The following LMNA variants were observed in gnomAD, a reference collection of about 807,000 sequenced individuals.
The protein encoded by LMNA is lamin A/C, also known as lamin.
LMNA carries 20 observed loss-of-function variants against 70.4 expected under a neutral mutation model. The ratio of observed to expected loss-of-function variants is 0.28; its 90% CI spans 0.20 to 0.41. The LOEUF (loss-of-function observed/expected upper bound fraction) is 0.41, where lower values mean the gene tolerates loss of function less well. Ranked by LOEUF, LMNA falls within the 10% of genes least tolerant of loss-of-function variation. LMNA has a pLI of 1.00. For synonymous variants in LMNA, 339 were observed against 372.8 expected (o/e 0.91, Z 1.04); for missense variants, 652 against 917.2 (o/e 0.71, Z 3.73).
chr1:156,128,071 C>G (rs1225976826), intron 1 of LMNA, among the ~76,000 whole-genome samples: 1 of 152,084 alleles, frequency 6.6e-6, no homozygotes, highest in Non-Finnish European at 1.5e-5. Flanking sequence ...TATCTACTTG[C>G]TGCGGGACCC....
chr1:156,088,662 T>G (rs1241917622), intron 2 of LMNA, among the ~76,000 whole-genome samples: 1 of 152,218 alleles, frequency 6.6e-6, no homozygotes, highest in Non-Finnish European at 1.5e-5. Context: ...ATTTTATATA[T>G]TTTTTGAGAC....
At chr1:156,129,959 C>G (rs1650902184) in intron 1 of LMNA, 1 of 728,374 alleles carries the variant, frequency 1.4e-6, no homozygotes, top group African/African-American at 1.7e-5. Context: ...GGGAGGGAGG[C>G]AGGGACCCCT....
In LMNA at chr1:156,135,894, C is replaced by A. The variant is rs267607681; in HGVS notation, c.937-7C>A. On this transcript the variant is annotated splice_polypyrimidine_tract_variant and splice_region_variant and intron_variant, in intron 5 of 11. Transcript: ENST00000368300. This position sits in a 1 kb window ranked among gnomAD's most constrained non-coding sequence, Gnocchi z 4.8. Reference sequence around the variant, plus strand: ...GGAGCTCACCAAACCCTCCCACCCCCCTTCAGCTGGCAGCCAAGGAGGCGA... The same window carrying A: ...GGAGCTCACCAAACCCTCCCACCCCACTTCAGCTGGCAGCCAAGGAGGCGA... 1 of 1,613,078 alleles carries A rather than the reference C, an allele frequency of 6.2e-7. No homozygotes were observed. Among genetic ancestry groups the A allele is most frequent in the Admixed American group, 1.7e-5 (1 of 60,012 alleles).
chr1:156,127,513 T>G (rs945585008), intron 1 of LMNA, among the ~76,000 whole-genome samples: 1 of 104,558 alleles, frequency 9.6e-6, no homozygotes, highest in Non-Finnish European at 1.9e-5. Context: ...CTTACTGTTT[T>G]TTTTTTTTTT....
In LMNA at chr1:156,137,975, A is replaced by G. The variant is rs927335027; in HGVS notation, c.1698+232A>G. The G allele has an allele frequency of 2.4e-5, 20 of 818,196 alleles. No individual in the cohort carries two copies. Among genetic ancestry groups the G allele is most frequent in the South Asian group, 1.6e-4 (9 of 55,406 alleles). The allele number at this position is 818,196 out of a possible 1,614,324, so 50.7% of individuals were successfully genotyped here. A position where few individuals can be genotyped will look rare whatever the true frequency, so the allele number is the denominator to read the frequency against. On this transcript the variant is annotated intron_variant, in intron 10 of 11. Transcript: ENST00000368300. The surrounding 1 kb of genome is among the most constrained non-coding windows in gnomAD (Gnocchi z 4.6). ...AAGGGAGTGGGAACTTTCTGATGCC[A>G]TGGAATATTCCTGTGGGAGCAGTGG...
In LMNA at chr1:156,139,721, TC is replaced by T. The variant is rs1651953339; in HGVS notation, c.*617del. On this transcript the variant is annotated 3_prime_UTR_variant, in exon 12 of 12. Transcript: ENST00000368300. The stretch of plus-strand genomic sequence containing the variant: ...CCCCTGCCCCCAGCCCCGGGGTGAG[TC>T]CATTCTCCCAGGTACCAGCTGCGCT... The T allele has an allele frequency of 6.6e-7, 1 of 1,521,012 alleles. No individual in the cohort carries two copies. The highest frequency in any genetic ancestry group is 1.4e-5 in the African/African-American group (1 of 70,798). 94.2% of individuals were successfully genotyped at this position (1,521,012 alleles called of 1,614,324 possible). A position where few individuals can be genotyped will look rare whatever the true frequency, so the allele number is the denominator to read the frequency against.
intron 1 of LMNA, chr1:156,126,874 C>T: frequency 5.6e-6 from 9 of 1,611,654 alleles, no homozygotes; most frequent in Non-Finnish European, 7.6e-6. Flanking sequence ...TGGCACAGCA[C>T]CCGGCCTGGG....
At chr1:156,092,823 C>T (rs1380142191) in intron 3 of LMNA, among the ~76,000 whole-genome samples, 1 of 151,976 alleles carries the variant, frequency 6.6e-6, no homozygotes, top group Non-Finnish European at 1.5e-5. Flanking sequence ...TCCAGCCCAT[C>T]CTGCTCCTCC....
chr1:156,084,492 A>G (rs1648409758), intron 2 of LMNA, among the ~76,000 whole-genome samples: 1 of 151,990 alleles, frequency 6.6e-6, no homozygotes, highest in East Asian at 1.9e-4. Flanking sequence ...AGTAAACCTT[A>G]TTGTGGGATT....
rs1649203752 is a variant in LMNA at position 156,103,316 on chromosome 1, A to T, written c.-206-11397A>T. Among the ~76,000 whole-genome samples, 1 of 152,154 alleles carries T rather than the reference A, an allele frequency of 6.6e-6. No homozygotes were observed. The highest frequency in any genetic ancestry group is 6.5e-5 in the Admixed American group (1 of 15,292). On this transcript the variant is annotated intron_variant, in intron 3 of 12. Coordinates refer to the LMNA transcript ENST00000368301. The surrounding 1 kb of genome is among the most constrained non-coding windows in gnomAD (Gnocchi z 4.7). ...GGTGAGAAGCCAGCGATCGACCCCC[A>T]GGGAGAAGTCTTGCAGAGGAGGGTC... is the stretch of plus-strand genomic sequence containing the variant.
chr1:156,119,461 C>T (rs776800566), intron 1 of LMNA, among the ~76,000 whole-genome samples: 1 of 152,152 alleles, frequency 6.6e-6, no homozygotes, highest in African/African-American at 2.4e-5. Flanking sequence ...ACCGTGTTGC[C>T]CAAGCTGGTC....
chr1:156,112,239 G>A (rs955383), upstream of LMNA, among the ~76,000 whole-genome samples: 111,073 of 151,966 alleles, frequency 0.73, 40,993 homozygotes, highest in East Asian at 0.93. Flanking sequence ...ACATAGCAAG[G>A]CTCCGTCTCT....
rs372962650 is a variant in LMNA at position 156,135,175 on chromosome 1, C to T, written c.811-12C>T. The T allele has an allele frequency of 3.3e-5, 54 of 1,614,034 alleles. No individual in the cohort carries two copies. The African/African-American group carries it at 4.5e-4, about 14-fold the overall frequency. ...AGTCACCACAGTCCTAACCCTTTGT[C>T]CTCCCCTCCAGCTGGACAATGCCAG... On this transcript the variant is annotated splice_polypyrimidine_tract_variant and intron_variant, in intron 4 of 11. Coordinates refer to ENST00000368300, the MANE Select transcript of LMNA (RefSeq NM_170707.4). The surrounding 1 kb of genome is among the most constrained non-coding windows in gnomAD (Gnocchi z 4.8).
intron 2 of LMNA, among the ~76,000 whole-genome samples, chr1:156,085,422 G>A (rs984742907): frequency 2.0e-5 from 3 of 152,210 alleles, no homozygotes; most frequent in African/African-American, 7.2e-5. Context: ...TTATGGCAAT[G>A]AGAGCAGAAG....
chr1:156,137,968 T>C lies in LMNA; in HGVS notation c.1698+225T>C. On this transcript the variant is annotated intron_variant, in intron 10 of 11. Coordinates refer to ENST00000368300, the MANE Select transcript of LMNA (RefSeq NM_170707.4). The surrounding 1 kb of genome is among the most constrained non-coding windows in gnomAD (Gnocchi z 4.6). The stretch of plus-strand genomic sequence containing the variant: ...GGTAAGGAAGGGAGTGGGAACTTTC[T>C]GATGCCATGGAATATTCCTGTGGGA... 1 of 864,316 alleles carries C rather than the reference T, an allele frequency of 1.2e-6. No homozygotes were observed. The highest frequency in any genetic ancestry group is 2.8e-5 in the Admixed American group (1 of 35,690). 53.5% of individuals were successfully genotyped at this position (864,316 alleles called of 1,614,324 possible). A position where few individuals can be genotyped will look rare whatever the true frequency, so the allele number is the denominator to read the frequency against.
rs2485673 is a variant in LMNA, at chr1:156,125,965, C to T, written c.357-4652C>T. ...ACCTGGGCGACAGAATGAGACTCCA[C>T]CTCAAAATAATAATAATAGTAATAA... is the stretch of plus-strand genomic sequence containing the variant. On this transcript the variant is annotated intron_variant, in intron 1 of 11. Transcript: ENST00000368300. Among the ~76,000 whole-genome samples, 15,784 of 151,482 alleles carry T rather than the reference C, an allele frequency of 0.1. 1,508 individuals carry two copies. Among genetic ancestry groups the T allele is most frequent in the African/African-American group, 0.25 (10,370 of 40,996 alleles).
chr1:156,117,958 A>G (rs911429497), intron 1 of LMNA, among the ~76,000 whole-genome samples: 3 of 128,918 alleles, frequency 2.3e-5, no homozygotes, highest in Non-Finnish European at 4.9e-5. Context: ...AGGCACCACC[A>G]CGCTTGGCTA....
intron 3 of LMNA, among the ~76,000 whole-genome samples, chr1:156,099,402 G>A (rs1383766366): frequency 6.6e-6 from 1 of 152,084 alleles, no homozygotes; most frequent in Non-Finnish European, 1.5e-5. Context: ...TCTAGGGTTT[G>A]AATCCCAGCT....
At chr1:156,111,183 G>T (rs552746393), upstream of LMNA, among the ~76,000 whole-genome samples, 5 of 152,010 alleles carry the variant, frequency 3.3e-5, no homozygotes, top group East Asian at 1.9e-4. Context: ...TGGTGCAGTG[G>T]CTCATGCCTG....
Sources: allele counts gnomAD v4.1 joint callset (sites outside exome capture counted in the v4.1 genomes callset), GRCh38; gene constraint gnomAD v4.1.1; non-coding constraint Gnocchi (gnomAD v3.1); transcripts MANE v1.5; gene names NCBI Gene and HGNC (gene_info 2026-07-23, HGNC 2026-07-21).